DCAF8L2: variants seen among roughly 807,000 people sequenced by gnomAD.
DCAF8L2 encodes DDB1- and CUL4-associated factor 8-like protein 2.
For synonymous variants in DCAF8L2, 200 were observed against 190.9 expected, an observed-to-expected ratio of 1.05 and a Z score of -0.39; for missense variants, 430 against 490.7, an observed-to-expected ratio of 0.88 and a Z score of 1.17.
rs5971411 is a variant in DCAF8L2 at position 27,592,720 on chromosome X, A to G, written c.-342+2280A>G. 9.6e-3 allele frequency among the ~76,000 whole-genome samples: 1,053 copies of G among 110,061 alleles called. 10 individuals carry two copies. Among genetic ancestry groups the G allele is most frequent in the Non-Finnish European group, 0.014 (750 of 52,723 alleles). ...CCAAAGTGCTGGGATTACAGGTGTG[A>G]GCCACCACCGCATCTGGCCAGTGGG... On this transcript the variant is annotated intron_variant, in intron 1 of 4. Coordinates refer to ENST00000451261, the MANE Select transcript of DCAF8L2 (RefSeq NM_001353450.2).
intron 1 of DCAF8L2, among the ~76,000 whole-genome samples, chrX:27,594,655 G>C (rs1331919446): frequency 9.0e-6 from 1 of 111,389 alleles, no homozygotes. Flanking sequence ...ACCAGTTACT[G>C]TTAATATTTG....
At chrX:27,547,891 T>TCTTTCTCTCTCTCTCTCTC in the DCAF8L2 span, among the ~76,000 whole-genome samples, 1 of 57,194 alleles carries the variant, frequency 1.7e-5, no homozygotes, top group Non-Finnish European at 3.3e-5. Flanking sequence ...CTCTCTCTCT[T>TCTTTCTCTCTCTCTCTCTC]TCTCTCTCTC....
the DCAF8L2 span, among the ~76,000 whole-genome samples, chrX:27,524,699 G>A: frequency 4.5e-5 from 5 of 110,783 alleles, no homozygotes; most frequent in African/African-American, 1.6e-4. Context: ...ACACTGCTTT[G>A]AATGTGTCCC....
chrX:27,483,700 T>C, the DCAF8L2 span, among the ~76,000 whole-genome samples: 1,044 of 111,129 alleles, frequency 9.4e-3, 17 homozygotes, highest in African/African-American at 0.032. Context: ...TTCCTTCCCA[T>C]TTATACACCA....
chrX:27,566,355 T>C, the DCAF8L2 span, among the ~76,000 whole-genome samples: 1 of 111,662 alleles, frequency 9.0e-6, no homozygotes, highest in African/African-American at 3.3e-5. Context: ...TTCCTTACTT[T>C]CTCCTTTCTC....
chrX:27,650,025 C>A (rs1929092487), intron 2 of DCAF8L2, among the ~76,000 whole-genome samples: 1 of 110,617 alleles, frequency 9.0e-6, no homozygotes, highest in East Asian at 2.8e-4. Flanking sequence ...CATATGCCAG[C>A]TATCTCAGCA....
At chrX:27,624,194 C>T (rs12014000) in intron 1 of DCAF8L2, among the ~76,000 whole-genome samples, 6,216 of 111,481 alleles carry the variant, frequency 0.056, 411 homozygotes, top group African/African-American at 0.19. Context: ...CAGGGATTAT[C>T]AGTCACAGTA....
chrX:27,705,443 C>T (rs1422225379), intron 3 of DCAF8L2, among the ~76,000 whole-genome samples: 2 of 111,565 alleles, frequency 1.8e-5, no homozygotes, highest in African/African-American at 6.5e-5. Flanking sequence ...TTGCACATCC[C>T]TGTAAACACT....
At chrX:27,746,309 G>A (rs1922160225) in intron 4 of DCAF8L2, among the ~76,000 whole-genome samples, 1 of 111,900 alleles carries the variant, frequency 8.9e-6, no homozygotes, top group Non-Finnish European at 1.9e-5. Flanking sequence ...TATTTTATCT[G>A]GCAACCCTAT....
chrX:27,747,074 G>A lies in DCAF8L2; in HGVS notation c.179G>A (p.Gly60Asp), dbSNP rs1276140430. The A allele has an allele frequency of 1.7e-6, 2 of 1,169,108 alleles. No individual in the cohort carries two copies. Among genetic ancestry groups the A allele is most frequent in the Admixed American group, 2.6e-5 (1 of 38,904 alleles). The part of the protein sequence containing the change: ...VTGDGSDSRD[G>D]GFPNDASTEN... The stretch of plus-strand genomic sequence containing the variant: ...GGAGATGGCAGTGATAGCAGGGATG[G>A]TGGATTCCCCAACGATGCCAGCACA... The change falls in exon 5 of 5, where the codon GGT (glycine) becomes GAT (aspartate). Residue 60 changes from glycine to aspartate, a missense_variant. Physicochemically the swap from Gly to Asp is moderately conservative, Grantham distance 94. Coordinates refer to ENST00000451261, the MANE Select transcript of DCAF8L2 (RefSeq NM_001353450.2).
chrX:27,598,429 G>C (rs1264492577), intron 1 of DCAF8L2, among the ~76,000 whole-genome samples: 1 of 112,533 alleles, frequency 8.9e-6, no homozygotes, highest in Non-Finnish European at 1.9e-5. Context: ...GCCCAGAGAG[G>C]CTTATCTATG....
At chrX:27,550,443 C>T in the DCAF8L2 span, among the ~76,000 whole-genome samples, 1 of 110,727 alleles carries the variant, frequency 9.0e-6, no homozygotes, top group South Asian at 3.8e-4. Flanking sequence ...GCAATCATCT[C>T]ACCTCAGCCT....
the DCAF8L2 span, among the ~76,000 whole-genome samples, chrX:27,557,511 G>T: frequency 8.9e-6 from 1 of 111,863 alleles, no homozygotes; most frequent in Non-Finnish European, 1.9e-5. Flanking sequence ...TCCCAGGTTA[G>T]ATTCTATAAG....
chrX:27,530,979 T>C, the DCAF8L2 span, among the ~76,000 whole-genome samples: 2 of 111,386 alleles, frequency 1.8e-5, no homozygotes, highest in Non-Finnish European at 3.8e-5. Flanking sequence ...GTATTGGCCA[T>C]GTATCGTAAA....
chrX:27,611,576 C>A (rs139754906), intron 1 of DCAF8L2, among the ~76,000 whole-genome samples: 24,587 of 108,987 alleles, frequency 0.23, 2,600 homozygotes, highest in Middle Eastern at 0.33. Context: ...TATTTCTCCT[C>A]ATGCTATCCT....
chrX:27,659,041 C>T (rs16987956), intron 2 of DCAF8L2, among the ~76,000 whole-genome samples: 31,262 of 110,625 alleles, frequency 0.28, 4,079 homozygotes, highest in African/African-American at 0.51. Flanking sequence ...TGTTTGAATA[C>T]CCCCAGTGGG....
chrX:27,673,172 C>T (rs1930011018), intron 2 of DCAF8L2, among the ~76,000 whole-genome samples: 2 of 110,443 alleles, frequency 1.8e-5, no homozygotes, highest in Non-Finnish European at 3.8e-5. Context: ...ACTTTATTTT[C>T]TGAAAACTTC....
the DCAF8L2 span, among the ~76,000 whole-genome samples, chrX:27,541,717 G>A: frequency 9.1e-6 from 1 of 110,480 alleles, no homozygotes; most frequent in Non-Finnish European, 1.9e-5. Flanking sequence ...AGATACAAGG[G>A]GTACATATGC....
the DCAF8L2 span, among the ~76,000 whole-genome samples, chrX:27,523,657 G>A: frequency 2.8e-5 from 3 of 108,996 alleles, no homozygotes; most frequent in Admixed American, 9.9e-5. Flanking sequence ...TAGGGTACAT[G>A]TGCACAACAT....
Sources: allele counts gnomAD v4.1 joint callset (sites outside exome capture counted in the v4.1 genomes callset), GRCh38; gene constraint gnomAD v4.1.1; transcripts MANE v1.5; gene names NCBI Gene and HGNC (gene_info 2026-07-23, HGNC 2026-07-21).